TOP3B: variants seen among roughly 807,000 people sequenced by gnomAD.
TOP3B encodes DNA topoisomerase III beta, also known as DNA topoisomerase 3-beta-1.
TOP3B carries 45 observed loss-of-function variants against 93.9 expected under a neutral mutation model. That is an observed-to-expected ratio of 0.48 (90% CI 0.38 to 0.61). TOP3B has a LOEUF of 0.61. Among genes scored for constraint, TOP3B ranks in the 20% least tolerant of loss-of-function variants. The probability of loss-of-function intolerance (pLI) is 0.00; values close to 1 mark genes in which losing one functional copy is unlikely to be tolerated. For missense variants in TOP3B, 750 were observed against 1,156.1 expected, an observed-to-expected ratio of 0.65 and a Z score of 5.09; for synonymous variants, 357 against 472.6, an observed-to-expected ratio of 0.76 and a Z score of 3.17.
chr22:21,974,387 A>G lies in TOP3B; in HGVS notation c.172T>C (p.Cys58Arg). The change falls in exon 3 of 18, where the codon TGT (cysteine) becomes CGT (arginine). Residue 58 changes from cysteine (C) to arginine (R), a missense_variant. Cys to Arg is a radical substitution (Grantham distance 180, BLOSUM62 -3). Coordinates refer to ENST00000357179, the MANE Select transcript of TOP3B (RefSeq NM_001282112.2). ...QPVRFKMTSV[C>R]GHVMTLDFLG... ...AAATCCAGGGTCATCACGTGACCAC[A>G]GACAGACGTCATCTTGAAGCGCACT... is the stretch of plus-strand genomic sequence containing the variant. 1 of 1,614,164 alleles carries G rather than the reference A, an allele frequency of 6.2e-7. No homozygotes were observed. The highest frequency in any genetic ancestry group is 8.5e-7 in the Non-Finnish European group (1 of 1,180,008).
At position 21,971,357 on chromosome 22, in the gene TOP3B, C is replaced by T. The variant is rs540031618; in HGVS notation, c.384+520G>A. 95 of 284,518 alleles carry T rather than the reference C, an allele frequency of 3.3e-4. No homozygotes were observed. Among genetic ancestry groups the T allele is most frequent in the African/African-American group, 1.4e-3 (63 of 44,724 alleles). 17.6% of individuals were successfully genotyped at this position (284,518 alleles called of 1,614,324 possible). On this transcript the variant is annotated intron_variant, in intron 5 of 17. Coordinates refer to ENST00000357179, the MANE Select transcript of TOP3B (RefSeq NM_001282112.2). The surrounding 1 kb of genome is among the most constrained non-coding windows in gnomAD (Gnocchi z 4.6). ...ATGGCCACTGTGAGGGCACCATGGC[C>T]GGGGCAAGCATGGGGCATGGGGTGT...
At position 21,960,956 on chromosome 22, in the gene TOP3B, G is replaced by T. The variant is rs567569335; in HGVS notation, c.1526-507C>A. On this transcript the variant is annotated intron_variant, in intron 13 of 17. Transcript: ENST00000357179. ...TGCAAGGCCCGTCACGATCCCCAGG[G>T]GAGGCTCCCAGTCCCCAGGATTCCA... 5.7e-5 allele frequency: 9 copies of T among 158,322 alleles called. No individual in the cohort carries two copies. The South Asian group carries it at 1.3e-3, about 22-fold the overall frequency. 9.8% of individuals were successfully genotyped at this position (158,322 alleles called of 1,614,324 possible).
chr22:21,972,579 C>T (rs760024372), intron 4 of TOP3B, 33 bp downstream of exon 4: 43 of 1,512,790 alleles, frequency 2.8e-5, no homozygotes, highest in Admixed American at 1.1e-4. Context: ...TGGGGAGCCC[C>T]GGTGTGCTCA....
At chr22:21,962,957 A>G (rs1011969585) in intron 11 of TOP3B, 64 bp from the exon 12 acceptor site, 9 of 1,587,538 alleles carry the variant, frequency 5.7e-6, no homozygotes, top group South Asian at 1.1e-5. Context: ...AGGAGCCCCC[A>G]GTACTCTCGC....
chr22:21,974,133 A>T, intron 3 of TOP3B: 2 of 458,864 alleles, frequency 4.4e-6, no homozygotes, highest in South Asian at 2.6e-5. Context: ...GAATGCAGCG[A>T]CTAAGGGGTG....
At chr22:21,969,043 ACT>A (rs1240344616) in intron 6 of TOP3B, 2 of 413,978 alleles carry the variant, frequency 4.8e-6, no homozygotes, top group African/African-American at 4.0e-5. Flanking sequence ...TCTACTGCAC[ACT>A]CTCCTCAGGA....
At chr22:21,972,809 T>C (rs1390454747) in intron 3 of TOP3B, 91 bp from the exon 4 acceptor site, 1 of 1,046,962 alleles carries the variant, frequency 9.6e-7, no homozygotes, top group African/African-American at 1.6e-5. Context: ...ATCCCACAAA[T>C]GAGGAGGGGA....
chr22:21,976,962 G>A (rs2071898967), intron 1 of TOP3B: 1 of 152,164 alleles, frequency 6.6e-6, no homozygotes, highest in African/African-American at 2.4e-5. Context: ...TCTAGCAAAG[G>A]TTTGAGTAGA....
chr22:21,969,015 G>C (rs2071526443), intron 6 of TOP3B: 2 of 514,230 alleles, frequency 3.9e-6, no homozygotes, highest in Non-Finnish European at 7.0e-6. Context: ...AGGCCAGGGA[G>C]CCTTCTATTC....
chr22:21,974,106 A>G, intron 3 of TOP3B: 1 of 377,916 alleles, frequency 2.6e-6, no homozygotes, highest in East Asian at 5.2e-5. Flanking sequence ...CTTTGTCTAC[A>G]TAGGAAGGCA....
Position 21,959,713 on chromosome 22 carries a change from T to G in TOP3B, c.1678A>C (p.Ile560Leu). The G allele has an allele frequency of 2.5e-6, 4 of 1,613,310 alleles. No homozygotes were observed. Among genetic ancestry groups the G allele is most frequent in the Non-Finnish European group, 3.4e-6 (4 of 1,179,900 alleles). ...AGCTGCTTCTCCACTGCACTGCGGA[T>G]GGTGGGGAGCACCAGCTCTGCATCT... ...KIDAELVLPT[I>L]RSAVEKQLNL... Residue 560 changes from isoleucine to leucine, a missense_variant, in exon 15 of 18, where the codon ATC becomes CTC. By Grantham distance (5) the Ile-to-Leu change is conservative (BLOSUM62 2). Around this residue, in one of 4 missense-constraint regions of TOP3B, gnomAD observed 737 missense variants for 933.7 expected, o/e 0.79. Coordinates refer to ENST00000357179, the MANE Select transcript of TOP3B (RefSeq NM_001282112.2).
intron 2 of TOP3B, 104 bp downstream of exon 2, chr22:21,975,536 G>A (rs1171484796): frequency 6.7e-6 from 9 of 1,340,898 alleles, no homozygotes; most frequent in East Asian, 5.3e-5. Flanking sequence ...CTGCCGACCC[G>A]AACCAAATCT....
chr22:21,969,150 G>A (rs1033730457), intron 6 of TOP3B: 1 of 174,922 alleles, frequency 5.7e-6, no homozygotes, highest in African/African-American at 2.4e-5. Context: ...TTTTGTTTTT[G>A]TAGAGACAGG....
In TOP3B at chr22:21,971,513, A is replaced by C. The variant is rs2071638639; in HGVS notation, c.384+364T>G. 7 of 355,846 alleles carry C rather than the reference A, an allele frequency of 2.0e-5. No individual in the cohort carries two copies. The highest frequency in any genetic ancestry group is 1.5e-4 in the South Asian group (7 of 45,860). The allele number at this position is 355,846 out of a possible 1,614,324, so 22.0% of individuals were successfully genotyped here. On this transcript the variant is annotated intron_variant, in intron 5 of 17. Coordinates refer to ENST00000357179, the MANE Select transcript of TOP3B (RefSeq NM_001282112.2). This position sits in a 1 kb window ranked among gnomAD's most constrained non-coding sequence, Gnocchi z 4.6. ...AAGGAGCTCAGTGCTGAGGTCGGGA[A>C]TCAACCAGCATCAACCCAAGGTCCC...
chr22:21,970,134 G>C lies in TOP3B; in HGVS notation c.581+76C>G. The C allele has an allele frequency of 5.8e-6, 9 of 1,550,122 alleles. No individual in the cohort carries two copies. The highest frequency in any genetic ancestry group is 7.0e-6 in the Non-Finnish European group (8 of 1,146,090). ...CTCGAGGAGGCCTAGGGGCCCCGGAGGGGGACCAGTAGAGGCAGGTCTCTG... is the reference window on the plus strand; with the variant it reads ...CTCGAGGAGGCCTAGGGGCCCCGGACGGGGACCAGTAGAGGCAGGTCTCTG... On this transcript the variant is annotated intron_variant, in intron 6 of 17. Transcript: ENST00000357179. This position sits in a 1 kb window ranked among gnomAD's most constrained non-coding sequence, Gnocchi z 4.4.
In TOP3B at chr22:21,963,056, G is replaced by C; in HGVS notation, c.1205-163C>G. The C allele has an allele frequency of 1.2e-6, 1 of 810,798 alleles. No homozygotes were observed. The highest frequency in any genetic ancestry group is 1.7e-5 in the African/African-American group (1 of 58,076). 50.2% of individuals were successfully genotyped at this position (810,798 alleles called of 1,614,324 possible). A position where few individuals can be genotyped will look rare whatever the true frequency, so the allele number is the denominator to read the frequency against. ...AGGAAAGAAAATGTGCAGGAAGGCC[G>C]GGCGTGGTGGCTCATGCCTGTAATC... On this transcript the variant is annotated intron_variant, in intron 11 of 17. Coordinates refer to ENST00000357179, the MANE Select transcript of TOP3B (RefSeq NM_001282112.2). This position sits in a 1 kb window ranked among gnomAD's most constrained non-coding sequence, Gnocchi z 4.8.
Position 21,971,844 on chromosome 22 carries a change from A to C in TOP3B, c.384+33T>G. 6.2e-7 allele frequency: 1 copy of C among 1,611,344 alleles called. No homozygotes were observed. The highest frequency in any genetic ancestry group is 8.5e-7 in the Non-Finnish European group (1 of 1,177,574). On this transcript the variant is annotated intron_variant, in intron 5 of 17. Coordinates refer to ENST00000357179, the MANE Select transcript of TOP3B (RefSeq NM_001282112.2). The surrounding 1 kb of genome is among the most constrained non-coding windows in gnomAD (Gnocchi z 4.6). ...GTTTGGGGCTGGTGTCAGAAAGGCC[A>C]AAAGTGAGGAACAAAGTGAGCCTCA...
rs1221883305 is a variant in TOP3B, at chr22:21,975,753, G to A, written c.-44C>T. ...ACTCCAGTTTCGGGGCACTGGCAAT[G>A]AAAAAGTTTAGACTCCACTCTTCCG... On this transcript the variant is annotated 5_prime_UTR_variant, in exon 2 of 18. Transcript: ENST00000357179. The A allele has an allele frequency of 6.3e-7, 1 of 1,583,886 alleles. No homozygotes were observed. The highest frequency in any genetic ancestry group is 1.3e-5 in the African/African-American group (1 of 74,218).
intron 1 of TOP3B, among the ~76,000 whole-genome samples, chr22:21,980,118 C>T (rs891424017): frequency 1.3e-5 from 2 of 152,054 alleles, no homozygotes; most frequent in Non-Finnish European, 2.9e-5. Flanking sequence ...TGTGATCACA[C>T]ATATGTGTGC....
Sources: gnomAD v4.1 joint callset for allele counts (sites outside exome capture counted in the v4.1 genomes callset) on GRCh38, gnomAD v4.1.1 for gene constraint, gnomAD v4.1.1 regional missense constraint, Gnocchi (gnomAD v3.1) non-coding constraint, MANE v1.5 for transcripts, NCBI Gene and HGNC (gene_info 2026-07-23, HGNC 2026-07-21) for gene names.